Variants in RBFOX1 observed in about 807,000 individuals in gnomAD.
RBFOX1 encodes RNA binding fox-1 homolog 1, also known as RNA binding protein fox-1 homolog 1.
Under a neutral mutation model 57.7 loss-of-function variants are expected in RBFOX1, and 8 were observed. The ratio of observed to expected loss-of-function variants is 0.14; its 90% CI spans 0.08 to 0.25. The LOEUF (loss-of-function observed/expected upper bound fraction) is 0.25. Among genes scored for constraint, RBFOX1 ranks in the 10% least tolerant of loss-of-function variants. RBFOX1 has a pLI of 1.00. For synonymous variants in RBFOX1, 326 were observed against 222.4 expected, an observed-to-expected ratio of 1.47 and a Z score of -4.15; for missense variants, 611 against 548.5, an observed-to-expected ratio of 1.11 and a Z score of -1.14.
At chr16:6,592,961 G>A (rs1171915047) in intron 2 of RBFOX1, among the ~76,000 whole-genome samples, 1 of 152,174 alleles carries the variant, frequency 6.6e-6, no homozygotes, top group Non-Finnish European at 1.5e-5. Context: ...GGGAGGCTGA[G>A]GCAAGCGGAT....
intron 3 of RBFOX1, among the ~76,000 whole-genome samples, chr16:5,678,775 G>C (rs1057131330): frequency 2.0e-5 from 3 of 152,202 alleles, no homozygotes; most frequent in Non-Finnish European, 4.4e-5. Flanking sequence ...ATTGTGTGTA[G>C]AGTGGTGGCT....
chr16:6,091,431 T>C (rs574512727), intron 1 of RBFOX1, among the ~76,000 whole-genome samples: 5 of 152,372 alleles, frequency 3.3e-5, no homozygotes, highest in African/African-American at 1.2e-4. Context: ...TTTTAACTCC[T>C]TTACAGGATT....
At chr16:6,682,241 A>G (rs2058756805) in intron 3 of RBFOX1, among the ~76,000 whole-genome samples, 1 of 152,158 alleles carries the variant, frequency 6.6e-6, no homozygotes. Context: ...CAGCGCTTTC[A>G]GCTCCCACTC....
chr16:6,891,838 A>G (rs1241291506), intron 3 of RBFOX1, among the ~76,000 whole-genome samples: 3 of 152,182 alleles, frequency 2.0e-5, no homozygotes, highest in African/African-American at 7.2e-5. Context: ...GGCATATGAT[A>G]CCATTATAGC....
At chr16:5,466,815 C>T (rs2068967757) in intron 1 of RBFOX1, among the ~76,000 whole-genome samples, 1 of 152,126 alleles carries the variant, frequency 6.6e-6, no homozygotes, top group African/African-American at 2.4e-5. Flanking sequence ...ATGGAAGTCT[C>T]CTTCTTGTCA....
chr16:5,908,095 T>TATATATATATATATATATATACAC (rs1567133450), intron 4 of RBFOX1, among the ~76,000 whole-genome samples: 1 of 139,888 alleles, frequency 7.1e-6, no homozygotes, highest in African/African-American at 3.0e-5. Context: ...TACACATATA[T>TATATATATATATATATATATACAC]ACACATATAT....
intron 3 of RBFOX1, among the ~76,000 whole-genome samples, chr16:6,937,095 T>C (rs1044902759): frequency 1.3e-5 from 2 of 151,740 alleles, no homozygotes; most frequent in African/African-American, 4.8e-5. Context: ...AGTATGATAA[T>C]AAAAAAATAA....
intron 4 of RBFOX1, among the ~76,000 whole-genome samples, chr16:7,326,484 T>G (rs902146417): frequency 1.3e-5 from 2 of 152,098 alleles, no homozygotes; most frequent in Non-Finnish European, 2.9e-5. Context: ...CAGACAGAGC[T>G]GCCATGATGA....
intron 3 of RBFOX1, among the ~76,000 whole-genome samples, chr16:6,855,843 C>CGCCT: frequency 6.6e-6 from 1 of 150,566 alleles, no homozygotes; most frequent in Admixed American, 6.6e-5. Context: ...CCTTCCCTCC[C>CGCCT]TCTTTCCCTC....
At chr16:6,977,369 G>T (rs539901027) in intron 3 of RBFOX1, among the ~76,000 whole-genome samples, 3 of 152,084 alleles carry the variant, frequency 2.0e-5, no homozygotes, top group African/African-American at 7.2e-5. Context: ...TTGTTCTCTA[G>T]ATACCGGGAT....
At chr16:6,944,439 A>C (rs1014452037) in intron 3 of RBFOX1, among the ~76,000 whole-genome samples, 34 of 151,486 alleles carry the variant, frequency 2.2e-4, no homozygotes, top group Non-Finnish European at 8.8e-5. Context: ...AAAGAAGACC[A>C]CACCCTTGCT....
rs979024565 is a variant in RBFOX1 at position 7,550,664 on chromosome 16, T to A, written c.271-29113T>A. On this transcript the variant is annotated intron_variant, in intron 5 of 15. Transcript: ENST00000550418. ...AAGCCTTAGAAATTTCTAGAATAGG[T>A]ACTATGCCTCTGGACGAATATGCAC... Among the ~76,000 whole-genome samples, 12 of 152,100 alleles carry A rather than the reference T, an allele frequency of 7.9e-5. 1 individual carries two copies. The highest frequency in any genetic ancestry group is 1.6e-4 in the Non-Finnish European group (11 of 68,024).
intron 2 of RBFOX1, among the ~76,000 whole-genome samples, chr16:6,539,382 T>C (rs1331283641): frequency 6.6e-6 from 1 of 152,170 alleles, no homozygotes; most frequent in Non-Finnish European, 1.5e-5. Flanking sequence ...GCGTAGCATC[T>C]GGCACACAGC....
chr16:7,562,874 G>A (rs1429795478), intron 5 of RBFOX1, among the ~76,000 whole-genome samples: 2 of 152,204 alleles, frequency 1.3e-5, no homozygotes, highest in Admixed American at 6.5e-5. Context: ...GCAAGAGGAA[G>A]AGAGTTTTAA....
intron 12 of RBFOX1, among the ~76,000 whole-genome samples, chr16:7,656,849 C>T (rs1390939471): frequency 6.6e-6 from 1 of 152,130 alleles, no homozygotes; most frequent in African/African-American, 2.4e-5. Context: ...CTTAGCCCAG[C>T]TTGGGTGTTT....
intron 3 of RBFOX1, among the ~76,000 whole-genome samples, chr16:6,977,272 G>A (rs982441404): frequency 6.6e-6 from 1 of 150,962 alleles, no homozygotes; most frequent in African/African-American, 2.4e-5. Context: ...TCTGCTACAA[G>A]GGTTTGTGAT....
At position 5,324,322 on chromosome 16, in the gene RBFOX1, G is replaced by C. The variant is rs138218553; in HGVS notation, c.219+84217G>C. Among the ~76,000 whole-genome samples, 38 of 152,302 alleles carry C rather than the reference G, an allele frequency of 2.5e-4. No individual in the cohort carries two copies. The East Asian group carries it at 7.2e-3, about 29-fold the overall frequency. ...TACTAAAAATGCAAAAATTAGCTGG[G>C]CATGGTGGTGCACGCCTGTAATCCC... On this transcript the variant is annotated intron_variant, in intron 1 of 2. Coordinates refer to the RBFOX1 transcript ENST00000585867.
chr16:7,107,420 C>T (rs946130956), intron 4 of RBFOX1, among the ~76,000 whole-genome samples: 3 of 152,212 alleles, frequency 2.0e-5, no homozygotes, highest in South Asian at 2.1e-4. Flanking sequence ...TAGGATTCCT[C>T]GATTCTTGTA....
At chr16:7,310,463 T>A (rs1018498495) in intron 4 of RBFOX1, among the ~76,000 whole-genome samples, 1 of 152,298 alleles carries the variant, frequency 6.6e-6, no homozygotes, top group Admixed American at 6.5e-5. Context: ...TGATCAAAAC[T>A]GTAAAAACTG....
Sources: gnomAD v4.1 joint callset for allele counts (sites outside exome capture counted in the v4.1 genomes callset) on GRCh38, gnomAD v4.1.1 for gene constraint, MANE v1.5 for transcripts, NCBI Gene and HGNC (gene_info 2026-07-23, HGNC 2026-07-21) for gene names.